LRRFIP1: variants seen among roughly 807,000 people sequenced by gnomAD.
The protein encoded by LRRFIP1 is leucine-rich repeat flightless-interacting protein 1.
Under a neutral mutation model 104.4 loss-of-function variants are expected in LRRFIP1, and 62 were observed. That is an observed-to-expected ratio of 0.59 (90% CI 0.48 to 0.73). The LOEUF (loss-of-function observed/expected upper bound fraction) is 0.73, where lower values mean the gene tolerates loss of function less well. Among genes scored for constraint, LRRFIP1 ranks in the 30% least tolerant of loss-of-function variants. The pLI is 0.00. For synonymous variants in LRRFIP1, 300 were observed against 299.0 expected, an observed-to-expected ratio of 1.00 and a Z score of -0.03; for missense variants, 796 against 824.5, an observed-to-expected ratio of 0.97 and a Z score of 0.42.
intron 8 of LRRFIP1, among the ~76,000 whole-genome samples, chr2:237,732,573 T>C (rs2095058636): frequency 6.6e-6 from 1 of 152,254 alleles, no homozygotes; most frequent in Non-Finnish European, 1.5e-5. Flanking sequence ...GCTAAGACTT[T>C]TGTCAATCTT....
At chr2:237,750,326 C>CTTTTTTTTTTTT (rs928510240) in intron 13 of LRRFIP1, among the ~76,000 whole-genome samples, 12 of 60,714 alleles carry the variant, frequency 2.0e-4, no homozygotes, top group South Asian at 7.0e-4. Context: ...TTCTTTCTTT[C>CTTTTTTTTTTTT]TTTTTTTTTT....
intron 1 of LRRFIP1, among the ~76,000 whole-genome samples, chr2:237,701,900 G>A (rs1007557375): frequency 1.3e-5 from 2 of 152,200 alleles, no homozygotes; most frequent in Non-Finnish European, 2.9e-5. Context: ...CCTGGCTCCC[G>A]AGATGTCACG....
chr2:237,777,995 A>G (rs2061236002), intron 23 of LRRFIP1, among the ~76,000 whole-genome samples: 1 of 152,106 alleles, frequency 6.6e-6, no homozygotes, highest in Non-Finnish European at 1.5e-5. Flanking sequence ...ATGTTCATGT[A>G]TGTCCTCTTT....
chr2:237,738,422 C>T (rs771229716), intron 10 of LRRFIP1, among the ~76,000 whole-genome samples: 2 of 152,198 alleles, frequency 1.3e-5, no homozygotes, highest in Non-Finnish European at 2.9e-5. Flanking sequence ...GAGGGGCCTT[C>T]AGCAGTGGCG....
rs1022164249 is a variant in LRRFIP1 at position 237,657,691 on chromosome 2, A to G, written c.96+29951A>G. Among the ~76,000 whole-genome samples, 12 of 152,388 alleles carry G rather than the reference A, an allele frequency of 7.9e-5. No individual in the cohort carries two copies. In the South Asian group the frequency reaches 1.4e-3, roughly 18 times the overall value. On this transcript the variant is annotated intron_variant, in intron 1 of 23. Coordinates refer to ENST00000308482, the MANE Select transcript of LRRFIP1 (RefSeq NM_001137550.2). ...AGGAGAAAAATATATTTGTTTATAT[A>G]GGCATATAATTCCCTAGAAGGATAT...
At chr2:237,669,822 C>G (rs2090056499) in intron 1 of LRRFIP1, among the ~76,000 whole-genome samples, 1 of 152,174 alleles carries the variant, frequency 6.6e-6, no homozygotes, top group African/African-American at 2.4e-5. Flanking sequence ...TCCTAGGAAA[C>G]AGTGGCTGAG....
At chr2:237,665,700 A>G (rs898187945) in intron 1 of LRRFIP1, among the ~76,000 whole-genome samples, 1 of 152,210 alleles carries the variant, frequency 6.6e-6, no homozygotes, top group African/African-American at 2.4e-5. Flanking sequence ...CATTTTTTTC[A>G]GCATGGCTGA....
chr2:237,704,151 CTTTT>C (rs397946161), intron 1 of LRRFIP1, among the ~76,000 whole-genome samples: 2 of 123,998 alleles, frequency 1.6e-5, no homozygotes, highest in African/African-American at 3.1e-5. Flanking sequence ...TGCAGATGTT[CTTTT>C]TTTTTTTTTT....
In LRRFIP1 at chr2:237,776,692, G is replaced by A. The variant is rs143255938; in HGVS notation, c.1812+2230G>A. 3.3e-3 allele frequency among the ~76,000 whole-genome samples: 506 copies of A among 152,020 alleles called. 6 individuals are homozygous for A. Among genetic ancestry groups the A allele is most frequent in the African/African-American group, 0.012 (485 of 41,426 alleles). The stretch of plus-strand genomic sequence containing the variant: ...GGTCCCTGCTGCTGTTGACCTTGTC[G>A]GGTATTCACGTGGCCGCATCAGCTT... On this transcript the variant is annotated intron_variant, in intron 23 of 23. Coordinates refer to ENST00000308482, the MANE Select transcript of LRRFIP1 (RefSeq NM_001137550.2).
intron 8 of LRRFIP1, among the ~76,000 whole-genome samples, chr2:237,733,064 G>A (rs1043706870): frequency 3.3e-5 from 5 of 152,176 alleles, no homozygotes; most frequent in Admixed American, 6.5e-5. Flanking sequence ...AGTGATCACC[G>A]CCTGGCCGTG....
chr2:237,694,906 C>T (rs1447920233), intron 1 of LRRFIP1, among the ~76,000 whole-genome samples: 1 of 152,340 alleles, frequency 6.6e-6, no homozygotes, highest in East Asian at 1.9e-4. Flanking sequence ...TCTAAATGAC[C>T]AGCACTGTCC....
chr2:237,762,227 G>T (rs2059946375), intron 19 of LRRFIP1, among the ~76,000 whole-genome samples: 1 of 152,232 alleles, frequency 6.6e-6, no homozygotes, highest in Non-Finnish European at 1.5e-5. Flanking sequence ...GTTGTTCATT[G>T]AGAAGTGAGA....
At chr2:237,705,745 A>T (rs1183019573) in intron 1 of LRRFIP1, among the ~76,000 whole-genome samples, 1 of 151,716 alleles carries the variant, frequency 6.6e-6, no homozygotes, top group African/African-American at 2.4e-5. Context: ...GGTGTCGGCC[A>T]GTCTGGGGTC....
chr2:237,688,441 CTTTTTTTTTTTTTTCT>C (rs1370646464), intron 1 of LRRFIP1, among the ~76,000 whole-genome samples: 1 of 132,510 alleles, frequency 7.5e-6, no homozygotes, highest in African/African-American at 2.8e-5. Context: ...GATGGACCCC[CTTTTTTTTTTTTTTCT>C]TTTTTTTTTT....
At chr2:237,654,324 C>A (rs2086430012) in intron 1 of LRRFIP1, among the ~76,000 whole-genome samples, 1 of 152,052 alleles carries the variant, frequency 6.6e-6, no homozygotes, top group Non-Finnish European at 1.5e-5. Flanking sequence ...TCATCTCACA[C>A]CTGTTAGAAT....
At position 237,732,748 on chromosome 2, in the gene LRRFIP1, G is replaced by C. The variant is rs149121381; in HGVS notation, c.445-1026G>C. ...TTGTTCCCCATTTGGGGTTTCATTT[G>C]TTTTTTTAAAAATATTTTTTCTCTT... On this transcript the variant is annotated intron_variant, in intron 8 of 23. Coordinates refer to ENST00000308482, the MANE Select transcript of LRRFIP1 (RefSeq NM_001137550.2). 1.9e-3 allele frequency among the ~76,000 whole-genome samples: 288 copies of C among 152,224 alleles called. 1 individual carries two copies. Among genetic ancestry groups the C allele is most frequent in the African/African-American group, 6.7e-3 (278 of 41,546 alleles).
At chr2:237,651,181 A>T (rs1379801108) in intron 1 of LRRFIP1, among the ~76,000 whole-genome samples, 1 of 152,248 alleles carries the variant, frequency 6.6e-6, no homozygotes, top group Admixed American at 6.5e-5. Context: ...TGTCACCCAG[A>T]TTCAACAAGG....
chr2:237,649,771 C>CCAGT lies in LRRFIP1; in HGVS notation c.96+22033_96+22036dup, dbSNP rs1449531278. On this transcript the variant is annotated intron_variant, in intron 1 of 23. Transcript: ENST00000308482. This position sits in a 1 kb window ranked among gnomAD's most constrained non-coding sequence, Gnocchi z 4.1. ...GGGGGCCAGTGTTGTTCAGGCCTCA[C>CCAGT]CAGTCCTTGGTCATGCCACCCGGGC... is the stretch of plus-strand genomic sequence containing the variant. Among the ~76,000 whole-genome samples the CCAGT allele has an allele frequency of 7.9e-5, 12 of 151,962 alleles. 1 individual carries two copies.
rs1221266691 is a variant in LRRFIP1, at chr2:237,735,219, T to C, written c.490-49T>C. The C allele has an allele frequency of 1.3e-6, 2 of 1,534,384 alleles. No homozygotes were observed. Among genetic ancestry groups the C allele is most frequent in the Admixed American group, 1.8e-5 (1 of 56,564 alleles). ...CACGTTTTCAGCACTTTCTGGGCACTCTTGGAGAAAGGAAGAGCGCCCATC... is the reference window on the plus strand; with the variant it reads ...CACGTTTTCAGCACTTTCTGGGCACCCTTGGAGAAAGGAAGAGCGCCCATC... On this transcript the variant is annotated intron_variant, in intron 9 of 23. Transcript: ENST00000308482. This position sits in a 1 kb window ranked among gnomAD's most constrained non-coding sequence, Gnocchi z 4.6.
Sources: allele counts gnomAD v4.1 joint callset (sites outside exome capture counted in the v4.1 genomes callset), GRCh38; gene constraint gnomAD v4.1.1; non-coding constraint Gnocchi (gnomAD v3.1); transcripts MANE v1.5; gene names NCBI Gene and HGNC (gene_info 2026-07-23, HGNC 2026-07-21).